Variants in ADGRB3 observed in about 807,000 individuals in gnomAD.
ADGRB3 encodes brain-specific angiogenesis inhibitor 3.
ADGRB3 carries 37 observed loss-of-function variants against 193.4 expected under a neutral mutation model. The observed-to-expected ratio is 0.19, with a 90% confidence interval of 0.15 to 0.25. The LOEUF is 0.25. ADGRB3 is among the 10% of genes least tolerant of loss of function. ADGRB3 has a pLI of 1.00. For missense variants in ADGRB3, 1,637 were observed against 1,852.9 expected (o/e 0.88, Z 2.14); for synonymous variants, 690 against 644.2 (o/e 1.07, Z -1.08).
At chr6:69,248,460 T>G (rs139157170) in intron 20 of ADGRB3, among the ~76,000 whole-genome samples, 72 of 152,352 alleles carry the variant, frequency 4.7e-4, no homozygotes, top group African/African-American at 1.7e-3. Flanking sequence ...GAGTAGAATT[T>G]AAGTTATCAC....
At chr6:68,911,514 G>A (rs9446070) in intron 3 of ADGRB3, among the ~76,000 whole-genome samples, 120,186 of 152,050 alleles carry the variant, frequency 0.79, 48,050 homozygotes, top group Middle Eastern at 0.85. Context: ...TCAGTGTGAT[G>A]CTCTGGATAC....
At chr6:68,701,721 G>T (rs908805823) in intron 3 of ADGRB3, among the ~76,000 whole-genome samples, 1 of 152,054 alleles carries the variant, frequency 6.6e-6, no homozygotes, top group Non-Finnish European at 1.5e-5. Context: ...ACCAAAACAG[G>T]TTCATTTTTC....
chr6:69,143,617 A>G (rs1442945704), intron 17 of ADGRB3, among the ~76,000 whole-genome samples: 1 of 152,160 alleles, frequency 6.6e-6, no homozygotes, highest in East Asian at 1.9e-4. Flanking sequence ...CGGCTTTCTT[A>G]GCACCATTTA....
intron 3 of ADGRB3, among the ~76,000 whole-genome samples, chr6:68,913,913 C>T (rs1443198579): frequency 6.0e-5 from 9 of 150,558 alleles, no homozygotes; most frequent in East Asian, 1.9e-4. Flanking sequence ...CCTCAGGAGC[C>T]GATGCGATCA....
At chr6:68,950,695 A>G (rs1354675421) in intron 6 of ADGRB3, among the ~76,000 whole-genome samples, 3 of 152,088 alleles carry the variant, frequency 2.0e-5, no homozygotes, top group African/African-American at 7.2e-5. Flanking sequence ...GCACCCTACC[A>G]CAAACCTGCC....
chr6:69,201,170 T>C (rs1765410333), intron 17 of ADGRB3, among the ~76,000 whole-genome samples: 1 of 152,096 alleles, frequency 6.6e-6, no homozygotes, highest in Non-Finnish European at 1.5e-5. Flanking sequence ...ACCATGATTA[T>C]TTCCCTTTAT....
At chr6:68,953,835 C>T (rs1767996702) in intron 6 of ADGRB3, among the ~76,000 whole-genome samples, 2 of 152,084 alleles carry the variant, frequency 1.3e-5, no homozygotes, top group Admixed American at 6.6e-5. Flanking sequence ...GCCAGGCTTT[C>T]TTGTTTATTT....
chr6:69,326,331 A>G (rs1768568200), intron 21 of ADGRB3, among the ~76,000 whole-genome samples: 1 of 152,200 alleles, frequency 6.6e-6, no homozygotes, highest in African/African-American at 2.4e-5. Flanking sequence ...TCTAAAGTTG[A>G]GATAGTATTT....
chr6:68,726,923 C>T (rs6455296), intron 3 of ADGRB3, among the ~76,000 whole-genome samples: 116,914 of 151,352 alleles, frequency 0.77, 45,346 homozygotes, highest in Middle Eastern at 0.91. Context: ...GCAGTTTCCT[C>T]ATTGGATAAA....
At chr6:69,100,926 G>A (rs59893244) in intron 17 of ADGRB3, among the ~76,000 whole-genome samples, 5 of 12,686 alleles carry the variant, frequency 3.9e-4, no homozygotes, top group African/African-American at 6.1e-4. Context: ...AGGAAGGAAG[G>A]AGGGAGGGAG....
At chr6:69,047,397 A>G (rs1034605984) in intron 13 of ADGRB3, among the ~76,000 whole-genome samples, 11 of 150,356 alleles carry the variant, frequency 7.3e-5, no homozygotes, top group African/African-American at 2.4e-4. Context: ...AAATTTGTAT[A>G]TAACTATTAA....
intron 13 of ADGRB3, among the ~76,000 whole-genome samples, chr6:69,022,948 T>C (rs1430187247): frequency 6.6e-6 from 1 of 152,080 alleles, no homozygotes; most frequent in African/African-American, 2.4e-5. Context: ...TTCAGTTATA[T>C]ATTTTTATAT....
chr6:68,800,317 A>C (rs1413270907), intron 3 of ADGRB3, among the ~76,000 whole-genome samples: 1 of 152,126 alleles, frequency 6.6e-6, no homozygotes, highest in African/African-American at 2.4e-5. Flanking sequence ...ACAAATCAAA[A>C]AGTTGTTTTT....
chr6:69,345,141 G>A (rs1046642843), intron 26 of ADGRB3, among the ~76,000 whole-genome samples: 2 of 152,148 alleles, frequency 1.3e-5, no homozygotes, highest in Non-Finnish European at 2.9e-5. Flanking sequence ...ATTATGAGTG[G>A]TCTCGTAAAG....
intron 3 of ADGRB3, among the ~76,000 whole-genome samples, chr6:68,870,664 C>T (rs1349749774): frequency 6.6e-6 from 1 of 152,164 alleles, no homozygotes; most frequent in Non-Finnish European, 1.5e-5. Flanking sequence ...AGTCAGTCTG[C>T]ATGGGTTCAA....
intron 3 of ADGRB3, among the ~76,000 whole-genome samples, chr6:68,876,508 G>T (rs779578002): frequency 1.3e-5 from 2 of 152,116 alleles, no homozygotes; most frequent in African/African-American, 4.8e-5. Context: ...ATATATAGTC[G>T]CAGCAAAAAG....
At chr6:68,824,614 C>G (rs1767808762) in intron 3 of ADGRB3, among the ~76,000 whole-genome samples, 1 of 147,260 alleles carries the variant, frequency 6.8e-6, no homozygotes, top group African/African-American at 2.5e-5. Context: ...TATTATATAT[C>G]ATAATATATA....
chr6:69,175,138 G>GT (rs1288504365), intron 17 of ADGRB3, among the ~76,000 whole-genome samples: 12 of 151,542 alleles, frequency 7.9e-5, no homozygotes, highest in East Asian at 1.9e-4. Flanking sequence ...CAGTTTTTGG[G>GT]TTTTTTTTGT....
chr6:69,152,452 T>C (rs1395148444), intron 17 of ADGRB3, among the ~76,000 whole-genome samples: 1 of 152,242 alleles, frequency 6.6e-6, no homozygotes, highest in Non-Finnish European at 1.5e-5. Context: ...ATCTGAAATG[T>C]AGAAAGCAAA....
Sources: gnomAD v4.1 joint callset for allele counts (sites outside exome capture counted in the v4.1 genomes callset) on GRCh38, gnomAD v4.1.1 for gene constraint, MANE v1.5 for transcripts, NCBI Gene and HGNC (gene_info 2026-07-23, HGNC 2026-07-21) for gene names.